The following CRMP1 variants were observed in gnomAD, a reference collection of about 807,000 sequenced individuals.
CRMP1 encodes the protein dihydropyrimidinase-related protein 1.
A neutral mutation model predicts 68.3 loss-of-function variants in CRMP1; 19 were observed. That is an observed-to-expected ratio of 0.28 (90% confidence interval 0.19 to 0.41). The LOEUF (loss-of-function observed/expected upper bound fraction) is 0.41, where lower values mean the gene tolerates loss of function less well. Ranked by LOEUF, CRMP1 falls within the 10% of genes least tolerant of loss-of-function variation. The pLI, the probability that CRMP1 is intolerant of heterozygous loss-of-function variation, is 1.00. For synonymous variants in CRMP1, 439 were observed against 399.6 expected (o/e 1.10, Z -1.18); for missense variants, 791 against 967.4 (o/e 0.82, Z 2.42).
intron 12 of CRMP1, among the ~76,000 whole-genome samples, chr4:5,827,639 C>T (rs1050619059): frequency 6.6e-6 from 1 of 152,072 alleles, no homozygotes; most frequent in African/African-American, 2.4e-5. Flanking sequence ...CACACTCCAA[C>T]ACACGCACAC....
At chr4:5,833,539 G>A (rs1483566273) in intron 11 of CRMP1, among the ~76,000 whole-genome samples, 1 of 131,124 alleles carries the variant, frequency 7.6e-6, no homozygotes, top group African/African-American at 3.8e-5. Context: ...AGCGTCCAGA[G>A]GAAACTTACA....
rs1247467022 is a variant in CRMP1, at chr4:5,839,598, C to A, written c.1234G>T (p.Ala412Ser). The A allele has an allele frequency of 2.5e-6, 4 of 1,612,716 alleles. No homozygotes were observed. Among genetic ancestry groups the A allele is most frequent in the Non-Finnish European group, 3.4e-6 (4 of 1,179,422 alleles). The change falls in exon 9 of 14, where the codon GCT (alanine) becomes TCT (serine). Residue 412 changes from alanine (A) to serine (S), a missense_variant. Ala to Ser is a moderately conservative substitution (Grantham distance 99, BLOSUM62 1). Around this residue, in one of 3 missense-constraint regions of CRMP1, gnomAD observed 594 missense variants for 763.6 expected, o/e 0.78. Transcript: ENST00000324989. ...THYWSKNWAK[A>S]AAFVTSPPLS... ...GGAGGGGAAGTCACGAACGCCGCAG[C>A]CTTGGCCCAGTTCTTGCTCCAGTAA... is the stretch of plus-strand genomic sequence containing the variant.
At position 5,881,493 on chromosome 4, in the gene CRMP1, TG is replaced by T. The variant is rs1715217844; in HGVS notation, c.381+11095del. ...CCTCCCACTGCAGTGTGACTGTAGC[TG>T]TCTTACAGGTCTATCATAGCTCTGA... On this transcript the variant is annotated intron_variant, in intron 1 of 13. Transcript: ENST00000324989. This position sits in a 1 kb window ranked among gnomAD's most constrained non-coding sequence, Gnocchi z 4.6. Among the ~76,000 whole-genome samples the T allele has an allele frequency of 1.3e-5, 2 of 152,210 alleles. No homozygotes were observed. Among genetic ancestry groups the T allele is most frequent in the South Asian group, 4.1e-4 (2 of 4,836 alleles).
rs560024600 is a variant in CRMP1, at chr4:5,824,378, G to A, written c.1969+1116C>T. The A allele has an allele frequency of 5.1e-6, 5 of 985,352 alleles. No homozygotes were observed. The African/African-American group carries it at 7.0e-5, about 14-fold the overall frequency. The allele number at this position is 985,352 out of a possible 1,614,324, so 61.0% of individuals were successfully genotyped here. On this transcript the variant is annotated intron_variant, in intron 13 of 13. Transcript: ENST00000324989. ...AAGTCTTATGGAGAGTGAGATGAAT[G>A]GGGAGGCCTCCTTGATTCATGCCTC...
rs2152477519 is a variant in CRMP1, at chr4:5,889,016, T to G, written c.381+3573A>C. ...CTTTTTCCATCTCGGACCCCAAGCC[T>G]TTATTCACGCTGTACCCTCTCCCTG... On this transcript the variant is annotated intron_variant, in intron 1 of 13. Transcript: ENST00000324989. The surrounding 1 kb of genome is among the most constrained non-coding windows in gnomAD (Gnocchi z 4.5). Among the ~76,000 whole-genome samples the G allele has an allele frequency of 6.6e-6, 1 of 152,072 alleles. No homozygotes were observed. Among genetic ancestry groups the G allele is most frequent in the Admixed American group, 6.5e-5 (1 of 15,290 alleles).
Position 5,836,453 on chromosome 4 carries a change from T to G in CRMP1, c.1452+312A>C, listed in dbSNP as rs942313654. Reference sequence around the variant, plus strand: ...ACTCAACATCCCAACTCCTAACACGTGTGCACATGCACACACACAGCGTTA... The same window carrying G: ...ACTCAACATCCCAACTCCTAACACGGGTGCACATGCACACACACAGCGTTA... On this transcript the variant is annotated intron_variant, in intron 10 of 13. Coordinates refer to ENST00000324989, the MANE Select transcript of CRMP1 (RefSeq NM_001014809.3). 5.9e-5 allele frequency among the ~76,000 whole-genome samples: 9 copies of G among 152,344 alleles called. No individual in the cohort carries two copies. In the South Asian group the frequency reaches 1.2e-3, roughly 21 times the overall value.
intron 6 of CRMP1, among the ~76,000 whole-genome samples, chr4:5,848,869 C>T (rs192534569): frequency 6.6e-6 from 1 of 152,142 alleles, no homozygotes; most frequent in African/African-American, 2.4e-5. Context: ...AGGCCCCCAC[C>T]CTGATGATCT....
chr4:5,885,382 T>C (rs1284357120), intron 1 of CRMP1, among the ~76,000 whole-genome samples: 1 of 152,190 alleles, frequency 6.6e-6, no homozygotes, highest in Admixed American at 6.5e-5. Flanking sequence ...CTGAGAGCTA[T>C]GCCTGCTACA....
intron 1 of CRMP1, among the ~76,000 whole-genome samples, chr4:5,878,545 C>T (rs1027644904): frequency 6.6e-6 from 1 of 152,118 alleles, no homozygotes; most frequent in Non-Finnish European, 1.5e-5. Flanking sequence ...TCCTGGGAGC[C>T]AGGTGCTTAT....
rs574255659 is a variant in CRMP1 at position 5,842,376 on chromosome 4, C to T, written c.1032+717G>A. Among the ~76,000 whole-genome samples the T allele has an allele frequency of 1.3e-5, 2 of 149,810 alleles. No individual in the cohort carries two copies. The highest frequency in any genetic ancestry group is 3.0e-5 in the Non-Finnish European group (2 of 67,704). Reference sequence around the variant, plus strand: ...CCCAGGAAGCGGAGGCTGCAGTGAACCGAGATCATACCACTGCACTGTAGC... The same window carrying T: ...CCCAGGAAGCGGAGGCTGCAGTGAATCGAGATCATACCACTGCACTGTAGC... On this transcript the variant is annotated intron_variant, in intron 7 of 13. Transcript: ENST00000324989. This position sits in a 1 kb window ranked among gnomAD's most constrained non-coding sequence, Gnocchi z 4.5.
intron 2 of CRMP1, among the ~76,000 whole-genome samples, chr4:5,864,699 CT>C (rs1429271382): frequency 1.3e-5 from 2 of 152,114 alleles, no homozygotes; most frequent in African/African-American, 2.4e-5. Context: ...TCAAGGAAGG[CT>C]TCCTGGAGGA....
At chr4:5,867,313 G>C (rs116873516) in intron 1 of CRMP1, among the ~76,000 whole-genome samples, 1 of 152,048 alleles carries the variant, frequency 6.6e-6, no homozygotes, top group African/African-American at 2.4e-5. Flanking sequence ...TCATCATCTC[G>C]GCAGCCTCTG....
intron 6 of CRMP1, among the ~76,000 whole-genome samples, chr4:5,844,526 C>T (rs893909580): frequency 6.6e-6 from 1 of 152,208 alleles, no homozygotes; most frequent in African/African-American, 2.4e-5. Flanking sequence ...ATTTGTTTCA[C>T]TGCCTTCCAA....
chr4:5,881,355 TC>T lies in CRMP1; in HGVS notation c.381+11233del, dbSNP rs1715207858. 6.6e-6 allele frequency among the ~76,000 whole-genome samples: 1 copy of T among 152,224 alleles called. No individual in the cohort carries two copies. Among genetic ancestry groups the T allele is most frequent in the South Asian group, 2.1e-4 (1 of 4,832 alleles). ...CATTACAGCTCTCTAGGGCAATGGT[TC>T]TCAACCTTACTGTACTCAGGACATA... is the stretch of plus-strand genomic sequence containing the variant. On this transcript the variant is annotated intron_variant, in intron 1 of 13. Transcript: ENST00000324989. This position sits in a 1 kb window ranked among gnomAD's most constrained non-coding sequence, Gnocchi z 4.6.
At chr4:5,887,596 G>C (rs1041635689) in intron 1 of CRMP1, 3 of 984,886 alleles carry the variant, frequency 3.0e-6, no homozygotes, top group Non-Finnish European at 3.6e-6. Flanking sequence ...CCACCCTCTC[G>C]CGGCCCAGCG....
intron 6 of CRMP1, among the ~76,000 whole-genome samples, chr4:5,844,766 G>A (rs1472620578): frequency 6.6e-6 from 1 of 152,182 alleles, no homozygotes; most frequent in South Asian, 2.1e-4. Flanking sequence ...GCAGGGGTGC[G>A]TGCACGCTGG....
chr4:5,839,377 CAT>C, intron 9 of CRMP1, 143 bp downstream of exon 9: 1 of 994,756 alleles, frequency 1.0e-6, no homozygotes, highest in African/African-American at 1.6e-5. Flanking sequence ...TGTTGTAAGC[CAT>C]ATGAGCGCAG....
rs2152463874 is a variant in CRMP1 at position 5,852,706 on chromosome 4, G to A, written c.821-1237C>T. 2.6e-5 allele frequency among the ~76,000 whole-genome samples: 4 copies of A among 152,322 alleles called. No individual in the cohort carries two copies. The Middle Eastern group carries it at 0.014, about 518-fold the overall frequency. On this transcript the variant is annotated intron_variant, in intron 4 of 13. Transcript: ENST00000324989. ...ACTGTGAGTAAGACGACAAGTCCCT[G>A]CCCGTAGGGGGCTCGCCATCTGGGC...
At chr4:5,876,030 G>A (rs1178867869) in intron 1 of CRMP1, among the ~76,000 whole-genome samples, 1 of 151,958 alleles carries the variant, frequency 6.6e-6, no homozygotes, top group Admixed American at 6.6e-5. Context: ...GCAGGCGCCT[G>A]TAGTCCCAGC....
Sources: gnomAD v4.1 joint callset for allele counts (sites outside exome capture counted in the v4.1 genomes callset) on GRCh38, gnomAD v4.1.1 for gene constraint, gnomAD v4.1.1 regional missense constraint, Gnocchi (gnomAD v3.1) non-coding constraint, MANE v1.5 for transcripts, NCBI Gene and HGNC (gene_info 2026-07-23, HGNC 2026-07-21) for gene names.